The following PDK1 variants were observed in gnomAD, a reference collection of about 807,000 sequenced individuals.
The protein encoded by PDK1 is pyruvate dehydrogenase kinase 1.
PDK1 carries 39 observed loss-of-function variants against 54.2 expected under a neutral mutation model. The observed-to-expected ratio is 0.72, with a 90% CI of 0.56 to 0.94. The LOEUF (loss-of-function observed/expected upper bound fraction) is 0.94. Among genes scored for constraint, PDK1 ranks in the 40% least tolerant of loss-of-function variants. PDK1 has a pLI of 0.00. For missense variants in PDK1, 552 were observed against 566.0 expected (o/e 0.98, Z 0.25); for synonymous variants, 221 against 207.1 (o/e 1.07, Z -0.58).
At position 172,586,268 on chromosome 2, in the gene PDK1, C is replaced by CT; in HGVS notation, c.946-8dup. 1 of 1,567,222 alleles carries CT rather than the reference C, an allele frequency of 6.4e-7. No individual in the cohort carries two copies. Among genetic ancestry groups the CT allele is most frequent in the Non-Finnish European group, 8.8e-7 (1 of 1,138,824 alleles). ...TTTGGGCATAGAGCACGATCCTTTT[C>CT]TTACCTTAGATGAGTGACCGAGGAG... On this transcript the variant is annotated splice_polypyrimidine_tract_variant and intron_variant, in intron 8 of 10. Transcript: ENST00000282077.
chr2:172,564,386 G>A (rs1468585409), intron 3 of PDK1, 117 bp from the exon 4 acceptor site: 13 of 726,272 alleles, frequency 1.8e-5, no homozygotes, highest in Admixed American at 4.9e-5. Flanking sequence ...AACATGAACC[G>A]ATTTTCCTTT....
At chr2:172,659,461 C>T in the PDK1 span, among the ~76,000 whole-genome samples, 1 of 152,168 alleles carries the variant, frequency 6.6e-6, no homozygotes, top group African/African-American at 2.4e-5. Context: ...GGCTCCTGTG[C>T]CACATAAAAC....
the PDK1 span, among the ~76,000 whole-genome samples, chr2:172,637,211 C>A: frequency 6.6e-6 from 1 of 152,154 alleles, no homozygotes; most frequent in Non-Finnish European, 1.5e-5. Context: ...TCTTTAGTTC[C>A]CACTTTGACC....
chr2:172,630,785 A>G, the PDK1 span, among the ~76,000 whole-genome samples: 1 of 152,086 alleles, frequency 6.6e-6, no homozygotes, highest in Non-Finnish European at 1.5e-5. Flanking sequence ...GCATACCACC[A>G]TATCTGGCTA....
At chr2:172,662,613 C>A in the PDK1 span, among the ~76,000 whole-genome samples, 2 of 151,572 alleles carry the variant, frequency 1.3e-5, no homozygotes, top group African/African-American at 4.8e-5. Context: ...TTTCACCAGT[C>A]CTCAATGATT....
chr2:172,558,141 ATTTATTTT>A (rs1306824214), intron 1 of PDK1: 1 of 152,242 alleles, frequency 6.6e-6, no homozygotes, highest in Non-Finnish European at 1.5e-5. Flanking sequence ...CCTGTTTTTA[ATTTATTTT>A]TTTAAGGCTG....
the PDK1 span, among the ~76,000 whole-genome samples, chr2:172,670,726 G>A: frequency 6.6e-6 from 1 of 152,104 alleles, no homozygotes; most frequent in African/African-American, 2.4e-5. Context: ...GGTTCACTTG[G>A]TTATAAAAGT....
chr2:172,569,294 G>C (rs1394587363), intron 7 of PDK1, among the ~76,000 whole-genome samples: 1 of 152,078 alleles, frequency 6.6e-6, no homozygotes. Context: ...TCTTTTTTTG[G>C]TCTGGCTTTT....
the PDK1 span, among the ~76,000 whole-genome samples, chr2:172,628,379 T>G: frequency 0.79 from 120,728 of 152,168 alleles, 47,979 homozygotes; most frequent in Middle Eastern, 0.84. Context: ...TATAACAGGT[T>G]TGAGGGTTAA....
At chr2:172,565,145 A>G (rs1044242256) in intron 5 of PDK1, 72 bp downstream of exon 5, 23 of 892,824 alleles carry the variant, frequency 2.6e-5, no homozygotes, top group Non-Finnish European at 4.0e-5. Flanking sequence ...TACTATTAAA[A>G]CATCTATTTG....
At chr2:172,565,099 A>G in intron 5 of PDK1, 26 bp downstream of exon 5, 1 of 1,321,500 alleles carries the variant, frequency 7.6e-7, no homozygotes, top group African/African-American at 1.5e-5. Flanking sequence ...TCTCCTTGCA[A>G]AAAAAGATAC....
At chr2:172,614,719 A>G in the PDK1 span, among the ~76,000 whole-genome samples, 1 of 152,102 alleles carries the variant, frequency 6.6e-6, no homozygotes, top group African/African-American at 2.4e-5. Flanking sequence ...ACTCTTTTTC[A>G]CCCTTCACTT....
chr2:172,640,542 C>T, the PDK1 span, among the ~76,000 whole-genome samples: 1 of 152,144 alleles, frequency 6.6e-6, no homozygotes, highest in East Asian at 1.9e-4. Context: ...CAGACCCAAA[C>T]AATTGTTTGG....
chr2:172,641,646 G>A, the PDK1 span, among the ~76,000 whole-genome samples: 5 of 152,024 alleles, frequency 3.3e-5, no homozygotes, highest in African/African-American at 9.7e-5. Context: ...GTTTCACAAT[G>A]TTGGCCAGGC....
chr2:172,703,465 C>A, the PDK1 span, among the ~76,000 whole-genome samples: 2 of 151,998 alleles, frequency 1.3e-5, no homozygotes, highest in African/African-American at 4.8e-5. Context: ...AATTAAATAC[C>A]ATAAGACACC....
chr2:172,685,336 T>C, the PDK1 span, among the ~76,000 whole-genome samples: 1 of 152,172 alleles, frequency 6.6e-6, no homozygotes, highest in Admixed American at 6.5e-5. Flanking sequence ...AATAGAAATC[T>C]TATCATCTCA....
chr2:172,694,109 C>CAGAA, the PDK1 span, among the ~76,000 whole-genome samples: 4 of 152,196 alleles, frequency 2.6e-5, no homozygotes, highest in Admixed American at 6.5e-5. Flanking sequence ...ACAGGGAGGG[C>CAGAA]AGAAAGCTAC....
downstream of PDK1, among the ~76,000 whole-genome samples, chr2:172,612,857 A>C (rs1157901805): frequency 6.6e-6 from 1 of 152,096 alleles, no homozygotes; most frequent in Non-Finnish European, 1.5e-5. Context: ...ACGGGGTTTC[A>C]CCATGTTGGC....
intron 9 of PDK1, among the ~76,000 whole-genome samples, chr2:172,587,338 A>G (rs1167927189): frequency 6.6e-6 from 1 of 151,802 alleles, no homozygotes; most frequent in African/African-American, 2.4e-5. Context: ...GGAGAGTGTT[A>G]CAGCTCATAA....
Sources: allele counts gnomAD v4.1 joint callset (sites outside exome capture counted in the v4.1 genomes callset), GRCh38; gene constraint gnomAD v4.1.1; transcripts MANE v1.5; gene names NCBI Gene and HGNC (gene_info 2026-07-23, HGNC 2026-07-21).